Variants in SYCP2L observed in about 807,000 individuals in gnomAD.
SYCP2L encodes synaptonemal complex protein 2-like.
In SYCP2L, 98 loss-of-function variants were observed where a neutral mutation model predicts 125.8. The ratio of observed to expected loss-of-function variants is 0.78; its 90% CI spans 0.66 to 0.92. The LOEUF (loss-of-function observed/expected upper bound fraction) is 0.92. SYCP2L is among the 40% of genes least tolerant of loss of function. The probability of loss-of-function intolerance (pLI) is 0.00; values close to 1 mark genes in which losing one functional copy is unlikely to be tolerated. For missense variants in SYCP2L, 842 were observed against 936.4 expected (o/e 0.90, Z 1.32); for synonymous variants, 317 against 325.4 (o/e 0.97, Z 0.28).
At position 10,961,109 on chromosome 6, in the gene SYCP2L, T is replaced by G. The variant is rs1466026307; in HGVS notation, c.2256-196T>G. 2.0e-5 allele frequency among the ~76,000 whole-genome samples: 3 copies of G among 149,256 alleles called. 1 individual carries two copies. The highest frequency in any genetic ancestry group is 7.4e-5 in the African/African-American group (3 of 40,766). On this transcript the variant is annotated intron_variant, in intron 26 of 29. Transcript: ENST00000283141. ...AAAAAAAAAAAGATGACCTGAGAGTTTGCATAGTGAGGTTTCCAGATTGGG... is the reference window on the plus strand; with the variant it reads ...AAAAAAAAAAAGATGACCTGAGAGTGTGCATAGTGAGGTTTCCAGATTGGG...
intron 10 of SYCP2L, among the ~76,000 whole-genome samples, chr6:10,908,796 G>C (rs1352273084): frequency 6.6e-6 from 1 of 152,118 alleles, no homozygotes; most frequent in African/African-American, 2.4e-5. Context: ...ATGAGCTTTG[G>C]GGCTATCCCA....
intron 28 of SYCP2L, among the ~76,000 whole-genome samples, 181 bp downstream of exon 28, chr6:10,961,739 G>T (rs185634277): frequency 6.6e-6 from 1 of 152,154 alleles, no homozygotes; most frequent in African/African-American, 2.4e-5. Context: ...GATACCATTC[G>T]AGAGGCGTAA....
chr6:10,897,674 A>G lies in SYCP2L; in HGVS notation c.337-337A>G, dbSNP rs184609768. On this transcript the variant is annotated intron_variant, in intron 4 of 29. Coordinates refer to ENST00000283141, the MANE Select transcript of SYCP2L (RefSeq NM_001040274.3). ...TGATCCACCTGTCTCGGCCTCTCAA[A>G]GTGCTGGGATTACAGGCATGAGCCA... 5.3e-3 allele frequency among the ~76,000 whole-genome samples: 802 copies of G among 152,228 alleles called. 9 individuals carry two copies. The highest frequency in any genetic ancestry group is 0.019 in the African/African-American group (774 of 41,554).
intron 16 of SYCP2L, among the ~76,000 whole-genome samples, chr6:10,926,705 G>A (rs914449847): frequency 2.0e-5 from 3 of 152,122 alleles, no homozygotes; most frequent in South Asian, 2.1e-4. Context: ...CCACAAAGTC[G>A]GCCCTGCACT....
chr6:10,898,267 C>T (rs1780294552), intron 5 of SYCP2L, 152 bp downstream of exon 5: 2 of 606,312 alleles, frequency 3.3e-6, no homozygotes, highest in Admixed American at 5.7e-5. Context: ...GTAATCCCAG[C>T]ACTTTGGGAG....
In SYCP2L at chr6:10,902,693, G is replaced by A; in HGVS notation, c.483G>A (p.Leu161=). ...TACTTTCAGGGAAAATTCAGATGTTGGATTCCTTCCTACTTAGCTTAGGAT... is the reference window on the plus strand; with the variant it reads ...TACTTTCAGGGAAAATTCAGATGTTAGATTCCTTCCTACTTAGCTTAGGAT... ...RSSSEGKIQM[L]DSFLLSLGFL... Residue 161 remains leucine (L), a synonymous_variant, in exon 7 of 30, where the codon TTG becomes TTA. Coordinates refer to ENST00000283141, the MANE Select transcript of SYCP2L (RefSeq NM_001040274.3). The A allele has an allele frequency of 6.2e-7, 1 of 1,613,364 alleles. No individual in the cohort carries two copies.
intron 18 of SYCP2L, among the ~76,000 whole-genome samples, chr6:10,929,098 G>C (rs1385274800): frequency 6.6e-6 from 1 of 151,522 alleles, no homozygotes; most frequent in Non-Finnish European, 1.5e-5. Flanking sequence ...TGCCATGTTG[G>C]CCAGACTGGT....
At chr6:10,965,061 G>T (rs1204592284) in intron 29 of SYCP2L, among the ~76,000 whole-genome samples, 1 of 152,060 alleles carries the variant, frequency 6.6e-6, no homozygotes, top group African/African-American at 2.4e-5. Context: ...GGTTTTTGGT[G>T]AAGCCATTGA....
At chr6:10,889,036 AT>A (rs1780131976) in intron 1 of SYCP2L, among the ~76,000 whole-genome samples, 1 of 151,778 alleles carries the variant, frequency 6.6e-6, no homozygotes, top group African/African-American at 2.4e-5. Context: ...TAATTTTTGT[AT>A]TTTTTAGTAG....
intron 25 of SYCP2L, among the ~76,000 whole-genome samples, chr6:10,958,458 C>T (rs1380845761): frequency 6.6e-6 from 1 of 152,124 alleles, no homozygotes; most frequent in African/African-American, 2.4e-5. Flanking sequence ...GAGGAATCCG[C>T]CCCCGTGACC....
chr6:10,940,263 AAAAC>A (rs1262135444), intron 21 of SYCP2L, among the ~76,000 whole-genome samples: 2 of 152,196 alleles, frequency 1.3e-5, no homozygotes, highest in African/African-American at 4.8e-5. Flanking sequence ...ACTATTGTGG[AAAAC>A]AGTATGGTGT....
intron 14 of SYCP2L, among the ~76,000 whole-genome samples, chr6:10,913,924 C>G (rs1406263157): frequency 6.6e-6 from 1 of 152,036 alleles, no homozygotes; most frequent in African/African-American, 2.4e-5. Flanking sequence ...CTCTGCCTCC[C>G]AGGTTCAAGC....
chr6:10,905,315 G>A (rs573453359), intron 8 of SYCP2L, among the ~76,000 whole-genome samples: 174 of 148,616 alleles, frequency 1.2e-3, no homozygotes, highest in South Asian at 3.6e-3. Context: ...TTTTTGAGTC[G>A]GAGTTTCACT....
intron 6 of SYCP2L, among the ~76,000 whole-genome samples, chr6:10,899,735 G>A (rs996601685): frequency 1.3e-5 from 2 of 152,150 alleles, no homozygotes; most frequent in African/African-American, 2.4e-5. Flanking sequence ...GGTAGTTGAG[G>A]AAATTCAGTA....
At chr6:10,895,301 C>G (rs896196184) in intron 4 of SYCP2L, among the ~76,000 whole-genome samples, 1 of 152,190 alleles carries the variant, frequency 6.6e-6, no homozygotes, top group Non-Finnish European at 1.5e-5. Flanking sequence ...GGGGTACCTC[C>G]TTGGCCAGTT....
intron 28 of SYCP2L, 73 bp from the exon 29 acceptor site, chr6:10,963,709 G>A: frequency 6.9e-7 from 1 of 1,440,522 alleles, no homozygotes; most frequent in African/African-American, 1.4e-5. Context: ...ATATGCAGAT[G>A]TATCTAGATG....
chr6:10,909,546 A>C (rs1425723094), intron 10 of SYCP2L, among the ~76,000 whole-genome samples: 1 of 152,236 alleles, frequency 6.6e-6, no homozygotes, highest in Non-Finnish European at 1.5e-5. Context: ...AAAAGGGAAC[A>C]AAAACTTGGA....
rs922834693 is a variant in SYCP2L at position 10,908,028 on chromosome 6, A to G, written c.819+344A>G. On this transcript the variant is annotated intron_variant, in intron 10 of 29. Coordinates refer to ENST00000283141, the MANE Select transcript of SYCP2L (RefSeq NM_001040274.3). ...CTCAGCATCCCAAGTAGCTGGGATTATAGGCACCTGCCACCACACCTGGCT... is the reference window on the plus strand; with the variant it reads ...CTCAGCATCCCAAGTAGCTGGGATTGTAGGCACCTGCCACCACACCTGGCT... Among the ~76,000 whole-genome samples the G allele has an allele frequency of 3.3e-5, 5 of 151,088 alleles. No homozygotes were observed. The Admixed American group carries it at 3.3e-4, about 10-fold the overall frequency.
At chr6:10,966,136 CAAT>C (rs1475922611) in intron 29 of SYCP2L, among the ~76,000 whole-genome samples, 1 of 150,468 alleles carries the variant, frequency 6.6e-6, no homozygotes, top group Admixed American at 6.6e-5. Context: ...ATAACAACAA[CAAT>C]AACAACAACA....
Sources: allele counts gnomAD v4.1 joint callset (sites outside exome capture counted in the v4.1 genomes callset), GRCh38; gene constraint gnomAD v4.1.1; transcripts MANE v1.5; gene names NCBI Gene and HGNC (gene_info 2026-07-23, HGNC 2026-07-21).